Variants in HSD17B14 observed in about 807,000 individuals in gnomAD.
HSD17B14 encodes the protein hydroxysteroid 17-beta dehydrogenase 14.
In HSD17B14, 32 loss-of-function variants were observed where a neutral mutation model predicts 32.2. That is an observed-to-expected ratio of 0.99 (90% CI 0.75 to 1.33). The LOEUF is 1.33. Ranked by LOEUF, HSD17B14 falls within the 40% of genes most tolerant of loss-of-function variation. HSD17B14 has a pLI of 0.00. For missense variants in HSD17B14, 370 were observed against 366.5 expected (o/e 1.01, Z -0.08); for synonymous variants, 140 against 155.4 (o/e 0.90, Z 0.74).
At chr19:48,829,137 T>C (rs1440683575) in intron 5 of HSD17B14, among the ~76,000 whole-genome samples, 2 of 152,094 alleles carry the variant, frequency 1.3e-5, no homozygotes, top group Non-Finnish European at 2.9e-5. Context: ...CTAAAGGGGC[T>C]CTCCTTTCTC....
intron 5 of HSD17B14, among the ~76,000 whole-genome samples, chr19:48,820,896 T>C (rs1415803448): frequency 6.6e-6 from 1 of 151,120 alleles, no homozygotes; most frequent in African/African-American, 2.4e-5. Flanking sequence ...TAGAGACAGG[T>C]TTTCACCATA....
At chr19:48,819,923 G>A (rs965250725) in intron 5 of HSD17B14, among the ~76,000 whole-genome samples, 3 of 152,118 alleles carry the variant, frequency 2.0e-5, no homozygotes, top group Admixed American at 6.6e-5. Context: ...TGAAGTGGGA[G>A]GATCACTTGA....
chr19:48,813,604 A>T (rs1170181340), intron 7 of HSD17B14, 52 bp from the exon 8 acceptor site: 1 of 1,611,796 alleles, frequency 6.2e-7, no homozygotes, highest in Admixed American at 1.7e-5. Context: ...ACCACTTGGG[A>T]TCACTCCCAG....
At chr19:48,832,158 T>C (rs926429930) in intron 4 of HSD17B14, among the ~76,000 whole-genome samples, 5 of 143,104 alleles carry the variant, frequency 3.5e-5, no homozygotes, top group African/African-American at 1.3e-4. Context: ...GGTGGGCAGA[T>C]CATCTGAGGT....
intron 5 of HSD17B14, among the ~76,000 whole-genome samples, chr19:48,824,981 G>A (rs1007763520): frequency 6.6e-6 from 1 of 151,270 alleles, no homozygotes; most frequent in South Asian, 2.1e-4. Flanking sequence ...GGTGGCTCAC[G>A]CCTCCCAGCA....
At chr19:48,826,671 A>G (rs2035257187) in intron 5 of HSD17B14, among the ~76,000 whole-genome samples, 1 of 150,702 alleles carries the variant, frequency 6.6e-6, no homozygotes, top group Non-Finnish European at 1.5e-5. Context: ...ACAAATTTGG[A>G]ACAGGAGCCA....
intron 5 of HSD17B14, among the ~76,000 whole-genome samples, chr19:48,827,948 G>A (rs539649627): frequency 1.9e-3 from 280 of 148,864 alleles, no homozygotes; most frequent in Non-Finnish European, 2.7e-3. Context: ...TCCGCCTCCC[G>A]GGTTCACGCC....
intron 5 of HSD17B14, among the ~76,000 whole-genome samples, chr19:48,829,336 A>T (rs1390952142): frequency 6.8e-6 from 1 of 146,614 alleles, no homozygotes; most frequent in African/African-American, 2.5e-5. Flanking sequence ...TTACAGGAGC[A>T]CCACCATACT....
intron 5 of HSD17B14, among the ~76,000 whole-genome samples, chr19:48,826,006 G>A (rs998293100): frequency 6.6e-5 from 10 of 151,820 alleles, no homozygotes; most frequent in African/African-American, 2.2e-4. Context: ...ATTTTTAGTA[G>A]AGATGGGGTT....
Position 48,832,657 on chromosome 19 carries a change from A to G in HSD17B14, c.277+9T>C. 6.2e-7 allele frequency: 1 copy of G among 1,612,440 alleles called. No individual in the cohort carries two copies. The highest frequency in any genetic ancestry group is 8.5e-7 in the Non-Finnish European group (1 of 1,179,390). On this transcript the variant is annotated intron_variant, in intron 4 of 8. Transcript: ENST00000263278. ...AGGTGGAGAATGGCCCTGGGGTCTC[A>G]CAACTCACGGTGGCCAGCGTTGTTG...
chr19:48,831,790 G>A, intron 4 of HSD17B14, 31 bp from the exon 5 acceptor site: 1 of 1,312,878 alleles, frequency 7.6e-7, no homozygotes, highest in Admixed American at 1.7e-5. Context: ...GAGAGGAAAA[G>A]TGACGGGGGC....
intron 5 of HSD17B14, among the ~76,000 whole-genome samples, chr19:48,825,904 T>C (rs1284080996): frequency 6.6e-6 from 1 of 151,996 alleles, no homozygotes; most frequent in Non-Finnish European, 1.5e-5. Flanking sequence ...CACTGCAAGC[T>C]CCGCCTCCTG....
intron 5 of HSD17B14, among the ~76,000 whole-genome samples, chr19:48,824,336 T>A (rs1599835016): frequency 7.6e-6 from 1 of 131,612 alleles, no homozygotes; most frequent in African/African-American, 3.0e-5. Flanking sequence ...GCTGAGAGGA[T>A]GAGGTGGGAG....
At chr19:48,828,739 G>A (rs2035290412) in intron 5 of HSD17B14, among the ~76,000 whole-genome samples, 1 of 151,970 alleles carries the variant, frequency 6.6e-6, no homozygotes, top group Non-Finnish European at 1.5e-5. Context: ...AGACCAGCCT[G>A]GACAACATAG....
chr19:48,813,394 G>T, intron 8 of HSD17B14, 46 bp from the exon 9 acceptor site: 1 of 1,554,790 alleles, frequency 6.4e-7, no homozygotes, highest in Non-Finnish European at 8.7e-7. Context: ...AGCCCCACTT[G>T]ATCGCCATGC....
chr19:48,829,439 C>A (rs915451920), intron 5 of HSD17B14, among the ~76,000 whole-genome samples: 1 of 151,872 alleles, frequency 6.6e-6, no homozygotes, highest in Non-Finnish European at 1.5e-5. Context: ...GCAACCTCCA[C>A]CTCCCAGGTT....
chr19:48,813,821 A>G (rs1395881213), intron 6 of HSD17B14, 91 bp from the exon 7 acceptor site: 2 of 1,415,852 alleles, frequency 1.4e-6, no homozygotes, highest in African/African-American at 2.8e-5. Flanking sequence ...GGGGCATCAG[A>G]ATGGGGAAGT....
intron 5 of HSD17B14, among the ~76,000 whole-genome samples, chr19:48,822,849 ATGGTGATGG>A (rs1481260433): frequency 6.6e-6 from 1 of 151,300 alleles, no homozygotes; most frequent in Non-Finnish European, 1.5e-5. Flanking sequence ...GATGGTGTTG[ATGGTGATGG>A]TGGTGATGGT....
At chr19:48,824,707 A>G (rs1177675242) in intron 5 of HSD17B14, among the ~76,000 whole-genome samples, 4 of 151,328 alleles carry the variant, frequency 2.6e-5, no homozygotes, top group Non-Finnish European at 5.9e-5. Flanking sequence ...CAGAGATTGC[A>G]GTGAGCTGAG....
Sources: allele counts gnomAD v4.1 joint callset (sites outside exome capture counted in the v4.1 genomes callset), GRCh38; gene constraint gnomAD v4.1.1; transcripts MANE v1.5; gene names NCBI Gene and HGNC (gene_info 2026-07-23, HGNC 2026-07-21).